ADGRL2: variants seen among roughly 807,000 people sequenced by gnomAD.
ADGRL2 encodes adhesion G protein-coupled receptor L2.
A neutral mutation model predicts 157.4 loss-of-function variants in ADGRL2; 44 were observed. The ratio of observed to expected loss-of-function variants is 0.28; its 90% CI spans 0.22 to 0.36. ADGRL2 has a LOEUF of 0.36. Ranked by LOEUF, ADGRL2 falls within the 10% of genes least tolerant of loss-of-function variation. The pLI is 1.00. For missense variants in ADGRL2, 1,510 were observed against 1,768.9 expected, an observed-to-expected ratio of 0.85 and a Z score of 2.63; for synonymous variants, 585 against 624.7, an observed-to-expected ratio of 0.94 and a Z score of 0.95.
At position 81,345,136 on chromosome 1, in the gene ADGRL2, G is replaced by A. The variant is rs577631714; in HGVS notation, c.-302+38627G>A. The stretch of plus-strand genomic sequence containing the variant: ...CTGGCTTCTAAGTGATCCAAGAGAG[G>A]AAGAACCAGTGGAAACTACATGCTT... On this transcript the variant is annotated intron_variant, in intron 1 of 24. Coordinates refer to the ADGRL2 transcript ENST00000370721. Among the ~76,000 whole-genome samples, 8 of 152,278 alleles carry A rather than the reference G, an allele frequency of 5.3e-5. No individual in the cohort carries two copies. The East Asian group carries it at 1.3e-3, about 26-fold the overall frequency.
chr1:81,782,870 A>G (rs965065451), intron 2 of ADGRL2, among the ~76,000 whole-genome samples: 2 of 152,174 alleles, frequency 1.3e-5, no homozygotes, highest in African/African-American at 4.8e-5. Flanking sequence ...ACAGGACTGT[A>G]TCTACCTGAG....
At chr1:81,459,342 A>G (rs548394667) in intron 2 of ADGRL2, among the ~76,000 whole-genome samples, 133 of 152,178 alleles carry the variant, frequency 8.7e-4, no homozygotes, top group Non-Finnish European at 1.6e-3. Flanking sequence ...TCCTTCCTCC[A>G]AACCCTGCCA....
intron 2 of ADGRL2, among the ~76,000 whole-genome samples, chr1:81,854,784 C>A (rs1247629058): frequency 6.6e-6 from 1 of 152,048 alleles, no homozygotes; most frequent in Non-Finnish European, 1.5e-5. Flanking sequence ...GAGAAAAGTT[C>A]TTCTGAGCTC....
intron 3 of ADGRL2, among the ~76,000 whole-genome samples, chr1:81,630,452 T>C (rs2081990456): frequency 6.6e-6 from 1 of 152,248 alleles, no homozygotes; most frequent in Non-Finnish European, 1.5e-5. Flanking sequence ...ATAGAGATTA[T>C]AGTTTACTAG....
chr1:81,766,102 A>C (rs2086106369), intron 2 of ADGRL2, among the ~76,000 whole-genome samples: 1 of 152,180 alleles, frequency 6.6e-6, no homozygotes, highest in African/African-American at 2.4e-5. Flanking sequence ...AATAATATTC[A>C]TTTTAATCAG....
At chr1:81,351,713 A>C (rs1316101535) in intron 1 of ADGRL2, among the ~76,000 whole-genome samples, 1 of 152,198 alleles carries the variant, frequency 6.6e-6, no homozygotes, top group Non-Finnish European at 1.5e-5. Flanking sequence ...ATCAAGTTCA[A>C]ATTAAATAAT....
chr1:81,633,594 TCAA>T (rs2082055683), intron 3 of ADGRL2, among the ~76,000 whole-genome samples: 1 of 42,712 alleles, frequency 2.3e-5, no homozygotes. Flanking sequence ...AGACTCTGTC[TCAA>T]AAAAAAAAAA....
At chr1:81,960,471 T>TTTTTTTC (rs1379430552) in intron 11 of ADGRL2, among the ~76,000 whole-genome samples, 2 of 152,122 alleles carry the variant, frequency 1.3e-5, no homozygotes, top group African/African-American at 4.8e-5. Context: ...TATTGTCTTT[T>TTTTTTTC]TTTTTTCTTT....
chr1:81,990,320 G>A (rs1174253846), intron 23 of ADGRL2, 71 bp from the exon 24 acceptor site: 4 of 1,538,532 alleles, frequency 2.6e-6, no homozygotes, highest in Admixed American at 4.1e-5. Flanking sequence ...AAAAAGTTTT[G>A]TACAAAAGAA....
intron 3 of ADGRL2, among the ~76,000 whole-genome samples, chr1:81,691,433 A>C (rs1231553782): frequency 1.3e-5 from 2 of 152,168 alleles, no homozygotes; most frequent in African/African-American, 2.4e-5. Flanking sequence ...TAATAATTTA[A>C]GAATTCAGAG....
chr1:81,451,321 A>G (rs537136050), intron 2 of ADGRL2, among the ~76,000 whole-genome samples: 1 of 152,322 alleles, frequency 6.6e-6, no homozygotes, highest in Non-Finnish European at 1.5e-5. Flanking sequence ...CATTTTGTAT[A>G]TAGCAGTAAT....
chr1:81,493,903 G>A (rs17106570), intron 2 of ADGRL2, among the ~76,000 whole-genome samples: 22,848 of 152,016 alleles, frequency 0.15, 1,780 homozygotes, highest in Admixed American at 0.18. Flanking sequence ...TTAAAACGTG[G>A]GGACAGCTGT....
At chr1:81,369,237 A>G (rs1462794237) in intron 1 of ADGRL2, among the ~76,000 whole-genome samples, 2 of 152,160 alleles carry the variant, frequency 1.3e-5, no homozygotes, top group Admixed American at 1.3e-4. Context: ...ATGAGGACAG[A>G]AAGAGAAAAT....
At chr1:81,403,245 GT>G (rs372512685) in intron 1 of ADGRL2, among the ~76,000 whole-genome samples, 145 of 84,760 alleles carry the variant, frequency 1.7e-3, no homozygotes, top group East Asian at 9.4e-3. Context: ...TTTTGTTGTT[GT>G]TTGTTTGTTT....
chr1:81,896,912 T>C (rs1571983002), intron 2 of ADGRL2, among the ~76,000 whole-genome samples: 1 of 152,310 alleles, frequency 6.6e-6, no homozygotes, highest in East Asian at 1.9e-4. Flanking sequence ...ACACCGTAAA[T>C]TGGTCCTTTC....
Position 81,808,924 on chromosome 1 carries a change from A to G in ADGRL2, c.-101+7856A>G, listed in dbSNP as rs532850220. Among the ~76,000 whole-genome samples the G allele has an allele frequency of 3.3e-4, 50 of 152,216 alleles. 1 individual carries two copies. Among genetic ancestry groups the G allele is most frequent in the African/African-American group, 1.1e-3 (47 of 41,552 alleles). On this transcript the variant is annotated intron_variant, in intron 1 of 23. Transcript: ENST00000686636. Reference sequence around the variant, plus strand: ...TAGGTCATGAAGTCAACTTCCTGGAATTTCTAGGGAAAATAGTTGAAAGGG... The same window carrying G: ...TAGGTCATGAAGTCAACTTCCTGGAGTTTCTAGGGAAAATAGTTGAAAGGG...
intron 3 of ADGRL2, among the ~76,000 whole-genome samples, chr1:81,671,873 A>ATAG (rs1332896768): frequency 2.6e-5 from 4 of 152,226 alleles, no homozygotes; most frequent in African/African-American, 4.8e-5. Context: ...CACACTTTGA[A>ATAG]TAGCAAAGCC....
At position 81,943,981 on chromosome 1, in the gene ADGRL2, T is replaced by G. The variant is rs1383867300; in HGVS notation, c.1210+212T>G. On this transcript the variant is annotated intron_variant, in intron 6 of 23. Transcript: ENST00000686636. This position sits in a 1 kb window ranked among gnomAD's most constrained non-coding sequence, Gnocchi z 5.6. Reference sequence around the variant, plus strand: ...TGGCTTCAAGAAATTGTGGCATTATTAGTCAGCTTAAACTTTTTTCATTGC... The same window carrying G: ...TGGCTTCAAGAAATTGTGGCATTATGAGTCAGCTTAAACTTTTTTCATTGC... 6.6e-6 allele frequency among the ~76,000 whole-genome samples: 1 copy of G among 152,074 alleles called. No individual in the cohort carries two copies. Among genetic ancestry groups the G allele is most frequent in the African/African-American group, 2.4e-5 (1 of 41,440 alleles).
At chr1:81,680,457 G>C (rs34211500) in intron 3 of ADGRL2, among the ~76,000 whole-genome samples, 1 of 152,106 alleles carries the variant, frequency 6.6e-6, no homozygotes, top group African/African-American at 2.4e-5. Flanking sequence ...TGTCGGCTTA[G>C]GGCTATGTAG....
Sources: allele counts gnomAD v4.1 joint callset (sites outside exome capture counted in the v4.1 genomes callset), GRCh38; gene constraint gnomAD v4.1.1; non-coding constraint Gnocchi (gnomAD v3.1); transcripts MANE v1.5; gene names NCBI Gene and HGNC (gene_info 2026-07-23, HGNC 2026-07-21).